Variants in DAB1 observed in about 807,000 individuals in gnomAD.
DAB1 encodes the protein DAB adaptor protein 1.
DAB1 carries 15 observed loss-of-function variants against 64.6 expected under a neutral mutation model. The ratio of observed to expected loss-of-function variants is 0.23; its 90% CI spans 0.16 to 0.36. The LOEUF (loss-of-function observed/expected upper bound fraction) is 0.36. Among genes scored for constraint, DAB1 ranks in the 10% least tolerant of loss-of-function variants. The probability of loss-of-function intolerance (pLI) is 1.00; values close to 1 mark genes in which losing one functional copy is unlikely to be tolerated. For missense variants in DAB1, 596 were observed against 706.7 expected (o/e 0.84, Z 1.78); for synonymous variants, 235 against 251.9 (o/e 0.93, Z 0.64).
intron 4 of DAB1, among the ~76,000 whole-genome samples, chr1:57,095,476 T>C (rs1654073702): frequency 6.6e-6 from 1 of 152,186 alleles, no homozygotes; most frequent in African/African-American, 2.4e-5. Context: ...ACTTCCTACC[T>C]GTCTTGGTTT....
intron 1 of DAB1, among the ~76,000 whole-genome samples, chr1:57,311,492 G>A (rs1485994676): frequency 1.3e-5 from 2 of 150,760 alleles, no homozygotes. Context: ...AGAATGATAG[G>A]AGTTGTTCTT....
intron 1 of DAB1, among the ~76,000 whole-genome samples, chr1:58,540,398 T>G (rs1275865478): frequency 6.6e-6 from 1 of 151,844 alleles, no homozygotes; most frequent in East Asian, 1.9e-4. Flanking sequence ...GATCCACAAT[T>G]AGAAGAAATA....
At chr1:58,499,477 T>TACAGATAGATAG (rs1553122687) in intron 3 of DAB1, among the ~76,000 whole-genome samples, 2 of 143,662 alleles carry the variant, frequency 1.4e-5, no homozygotes, top group Non-Finnish European at 3.0e-5. Flanking sequence ...AAAGCCAGAC[T>TACAGATAGATAG]ATAGATAGAT....
intron 2 of DAB1, among the ~76,000 whole-genome samples, chr1:57,172,989 G>T (rs1569734093): frequency 6.6e-6 from 1 of 152,174 alleles, no homozygotes; most frequent in South Asian, 2.1e-4. Context: ...ATAGTAAAAT[G>T]CTTGGGTGCC....
chr1:57,600,225 G>C (rs969419561), intron 7 of DAB1, among the ~76,000 whole-genome samples: 22 of 152,124 alleles, frequency 1.4e-4, no homozygotes, highest in South Asian at 4.1e-4. Flanking sequence ...TACATCTGGG[G>C]TCTTGTTCAC....
chr1:57,002,889 C>T (rs1645923409), intron 14 of DAB1, among the ~76,000 whole-genome samples: 1 of 152,172 alleles, frequency 6.6e-6, no homozygotes, highest in Non-Finnish European at 1.5e-5. Flanking sequence ...GAAATACCCT[C>T]TGTGAAGGAG....
At chr1:58,204,123 T>C (rs1315928595) in intron 4 of DAB1, among the ~76,000 whole-genome samples, 1 of 152,186 alleles carries the variant, frequency 6.6e-6, no homozygotes, top group East Asian at 1.9e-4. Context: ...CTGCCATCAT[T>C]TGATCACACC....
intron 6 of DAB1, among the ~76,000 whole-genome samples, chr1:57,756,728 A>T (rs75840235): frequency 0.015 from 2,265 of 152,274 alleles, 70 homozygotes; most frequent in African/African-American, 0.052. Flanking sequence ...AGGAACAGAT[A>T]AAAAAGTTGA....
chr1:58,349,295 C>T (rs991441470), intron 3 of DAB1, among the ~76,000 whole-genome samples: 1 of 152,236 alleles, frequency 6.6e-6, no homozygotes, highest in South Asian at 2.1e-4. Flanking sequence ...AATCATCTCC[C>T]CACATCCCAG....
At chr1:57,821,780 A>G (rs1379645165), downstream of DAB1, among the ~76,000 whole-genome samples, 1 of 152,218 alleles carries the variant, frequency 6.6e-6, no homozygotes, top group African/African-American at 2.4e-5. Flanking sequence ...AAGTTAAAAA[A>G]TCAAAATCAT....
chr1:57,400,757 G>A (rs1683177112), intron 1 of DAB1, among the ~76,000 whole-genome samples: 1 of 151,802 alleles, frequency 6.6e-6, no homozygotes, highest in South Asian at 2.1e-4. Flanking sequence ...AGCAATCATA[G>A]CTTGTGCCCA....
At chr1:57,739,476 C>CCTCCCCTTCCCTCCCCTCCCCTCCT in intron 6 of DAB1, among the ~76,000 whole-genome samples, 1 of 103,592 alleles carries the variant, frequency 9.7e-6, no homozygotes, top group African/African-American at 3.8e-5. Flanking sequence ...CCTCCCCTCC[C>CCTCCCCTTCCCTCCCCTCCCCTCCT]CTCCCCTCGC....
chr1:57,394,994 T>C (rs1395845848), intron 1 of DAB1, among the ~76,000 whole-genome samples: 1 of 152,168 alleles, frequency 6.6e-6, no homozygotes, highest in Non-Finnish European at 1.5e-5. Flanking sequence ...TTTCTGCCCA[T>C]CAAAGGAACA....
upstream of DAB1, among the ~76,000 whole-genome samples, chr1:57,424,443 G>C (rs1685183760): frequency 1.3e-5 from 2 of 151,956 alleles, no homozygotes; most frequent in South Asian, 2.1e-4. Flanking sequence ...GACGAGCCGA[G>C]AGCGAGGGGT....
chr1:58,361,454 G>C lies in DAB1; in HGVS notation n.258-18051C>G, dbSNP rs944554072. ...CTGTATCTCTTTTTACTGTTTTTCA[G>C]GGCAGGGACCTTGTCTTTCCTGTTC... On this transcript the variant is annotated intron_variant and non_coding_transcript_variant, in intron 3 of 20. Coordinates refer to the DAB1 transcript ENST00000485760. 3.3e-5 allele frequency among the ~76,000 whole-genome samples: 5 copies of C among 152,266 alleles called. No individual in the cohort carries two copies. In the East Asian group the frequency reaches 9.6e-4, roughly 29 times the overall value.
chr1:57,091,268 C>A (rs1486327862), intron 4 of DAB1, among the ~76,000 whole-genome samples: 1 of 152,124 alleles, frequency 6.6e-6, no homozygotes, highest in Admixed American at 6.5e-5. Flanking sequence ...TACATCCATC[C>A]ATCCAGCCTT....
intron 4 of DAB1, among the ~76,000 whole-genome samples, chr1:58,300,615 AGAGAG>A (rs1557726092): frequency 1.7e-3 from 65 of 39,060 alleles, no homozygotes; most frequent in East Asian, 7.4e-3. Flanking sequence ...AAAGAAAGAG[AGAGAG>A]AGAGAGAGAG....
intron 9 of DAB1, among the ~76,000 whole-genome samples, chr1:57,026,798 G>A (rs957819423): frequency 2.6e-5 from 4 of 152,006 alleles, no homozygotes; most frequent in African/African-American, 9.7e-5. Context: ...CCATCATATG[G>A]GAGTGTCTGA....
At chr1:57,511,591 C>T (rs970873019) in intron 7 of DAB1, among the ~76,000 whole-genome samples, 17 of 152,104 alleles carry the variant, frequency 1.1e-4, no homozygotes, top group African/African-American at 3.9e-4. Context: ...ATTAATTTCC[C>T]TTGTTTTTTT....
Sources: allele counts gnomAD v4.1 joint callset (sites outside exome capture counted in the v4.1 genomes callset), GRCh38; gene constraint gnomAD v4.1.1; transcripts MANE v1.5; gene names NCBI Gene and HGNC (gene_info 2026-07-23, HGNC 2026-07-21).